Variants in ATXN1 observed in about 807,000 individuals in gnomAD.
ATXN1 encodes the protein ataxin 1, also known as ataxin-1.
In ATXN1, 8 loss-of-function variants were observed where a neutral mutation model predicts 56.4. The observed-to-expected ratio is 0.14, with a 90% CI of 0.08 to 0.26. ATXN1 has a LOEUF of 0.26. Ranked by LOEUF, ATXN1 falls within the 10% of genes least tolerant of loss-of-function variation. The pLI, the probability that ATXN1 is intolerant of heterozygous loss-of-function variation, is 1.00. For missense variants in ATXN1, 987 were observed against 1,106.5 expected, an observed-to-expected ratio of 0.89 and a Z score of 1.53; for synonymous variants, 514 against 494.6, an observed-to-expected ratio of 1.04 and a Z score of -0.52.
intron 6 of ATXN1, among the ~76,000 whole-genome samples, chr6:16,390,795 A>G (rs1327667823): frequency 6.6e-6 from 1 of 151,906 alleles, no homozygotes. Context: ...ATTCCTCTCC[A>G]CTGCAGCATC....
rs188386545 is a variant in ATXN1, at chr6:16,665,439, C to T, written c.-614-7538G>A. ...ACATCATATAGCCTCTGAAAAACTC[C>T]GCTGTACACATGGAAGAGAATGGGA... On this transcript the variant is annotated intron_variant, in intron 2 of 7. Transcript: ENST00000436367. Among the ~76,000 whole-genome samples, 272 of 151,454 alleles carry T rather than the reference C, an allele frequency of 1.8e-3. 2 individuals are homozygous for T. Among genetic ancestry groups the T allele is most frequent in the African/African-American group, 6.2e-3 (255 of 41,202 alleles).
chr6:16,300,012 A>G lies in ATXN1; in HGVS notation c.*6317T>C, dbSNP rs189092515. 6.5e-6 allele frequency: 1 copy of G among 152,782 alleles called. No individual in the cohort carries two copies. The allele number at this position is 152,782 out of a possible 1,614,324, so 9.5% of individuals were successfully genotyped here. ...TAACTGCTCTGAAGACAACAGCTTG[A>G]GCTAGTGTCACCTAATACTTGGTAT... On this transcript the variant is annotated 3_prime_UTR_variant, in exon 8 of 8. Coordinates refer to ENST00000436367, the MANE Select transcript of ATXN1 (RefSeq NM_001128164.2).
rs141038129 is a variant in ATXN1 at position 16,745,382 on chromosome 6, C to T, written c.-615+7851G>A. Among the ~76,000 whole-genome samples, 863 of 152,152 alleles carry T rather than the reference C, an allele frequency of 5.7e-3. 4 individuals carry two copies. The highest frequency in any genetic ancestry group is 8.8e-3 in the Non-Finnish European group (601 of 68,006). On this transcript the variant is annotated intron_variant, in intron 2 of 7. Transcript: ENST00000436367. ...AAACTTAAAAATTAAGATAAAACAACCTGATAGAATGTTATGTGATCCTTG... is the reference window on the plus strand; with the variant it reads ...AAACTTAAAAATTAAGATAAAACAATCTGATAGAATGTTATGTGATCCTTG...
At chr6:16,394,871 TG>T (rs563835033) in intron 6 of ATXN1, among the ~76,000 whole-genome samples, 1 of 152,178 alleles carries the variant, frequency 6.6e-6, no homozygotes, top group Non-Finnish European at 1.5e-5. Context: ...TGCTAATTCA[TG>T]GTATAACTTT....
intron 4 of ATXN1, among the ~76,000 whole-genome samples, chr6:16,556,649 C>T (rs576808901): frequency 6.6e-6 from 1 of 152,276 alleles, no homozygotes; most frequent in South Asian, 2.1e-4. Flanking sequence ...CAGGCTCCAC[C>T]CCAAAGGCAG....
chr6:16,672,324 C>T (rs1394091686), intron 2 of ATXN1, among the ~76,000 whole-genome samples: 2 of 152,036 alleles, frequency 1.3e-5, no homozygotes, highest in East Asian at 3.8e-4. Flanking sequence ...TAAAATTATA[C>T]CACAGGAAAA....
At chr6:16,635,353 C>T (rs1364221468) in intron 3 of ATXN1, among the ~76,000 whole-genome samples, 1 of 152,106 alleles carries the variant, frequency 6.6e-6, no homozygotes, top group Non-Finnish European at 1.5e-5. Context: ...ATAAAGTGCA[C>T]AATGAATATA....
intron 4 of ATXN1, among the ~76,000 whole-genome samples, chr6:16,558,046 G>A (rs1762045714): frequency 6.6e-6 from 1 of 152,148 alleles, no homozygotes; most frequent in East Asian, 1.9e-4. Context: ...GGTGCTTAAT[G>A]GGTAAAGGTT....
intron 4 of ATXN1, among the ~76,000 whole-genome samples, chr6:16,550,155 CAA>C (rs70999336): frequency 0.12 from 10,652 of 91,112 alleles, 961 homozygotes; most frequent in East Asian, 0.49. Flanking sequence ...AAATAAAATA[CAA>C]AAAAAAAAAA....
chr6:16,739,414 C>T, intron 2 of ATXN1: 1 of 164,074 alleles, frequency 6.1e-6, no homozygotes, highest in Non-Finnish European at 1.4e-5. Flanking sequence ...AGAACTAGCA[C>T]AAACAAGTCT....
chr6:16,536,142 C>T (rs902680268), intron 4 of ATXN1, among the ~76,000 whole-genome samples: 1 of 151,986 alleles, frequency 6.6e-6, no homozygotes, highest in Non-Finnish European at 1.5e-5. Flanking sequence ...GCTTAAGCCC[C>T]GAAGGTCCAG....
chr6:16,469,097 G>A (rs956268920), intron 6 of ATXN1, among the ~76,000 whole-genome samples: 2 of 152,124 alleles, frequency 1.3e-5, no homozygotes, highest in African/African-American at 4.8e-5. Context: ...TTACACCGTG[G>A]GCACCCAATA....
chr6:16,660,846 T>G (rs1303181627), intron 2 of ATXN1, among the ~76,000 whole-genome samples: 1 of 147,290 alleles, frequency 6.8e-6, no homozygotes, highest in Non-Finnish European at 1.5e-5. Context: ...TTTTTTTTTT[T>G]TTTTTTTTTT....
chr6:16,343,600 A>G (rs1761307539), intron 6 of ATXN1, among the ~76,000 whole-genome samples: 1 of 152,170 alleles, frequency 6.6e-6, no homozygotes, highest in Non-Finnish European at 1.5e-5. Flanking sequence ...TCTTAGTGTC[A>G]CTGCTCTATC....
intron 6 of ATXN1, among the ~76,000 whole-genome samples, chr6:16,472,331 G>A (rs1419240100): frequency 1.3e-5 from 2 of 152,140 alleles, no homozygotes; most frequent in African/African-American, 4.8e-5. Flanking sequence ...CACAAAACAT[G>A]GAATTGGGTA....
intron 5 of ATXN1, among the ~76,000 whole-genome samples, chr6:16,517,288 T>C (rs1361405767): frequency 1.3e-5 from 2 of 152,206 alleles, no homozygotes; most frequent in Admixed American, 6.5e-5. Context: ...CAGTAGTCAG[T>C]TTCTGAGAGG....
At chr6:16,475,874 T>TC (rs1405616799) in intron 6 of ATXN1, among the ~76,000 whole-genome samples, 3 of 150,292 alleles carry the variant, frequency 2.0e-5, no homozygotes, top group African/African-American at 7.3e-5. Context: ...GTCATTACTT[T>TC]TTTTTTTTTT....
At chr6:16,547,047 G>A (rs1761827843) in intron 4 of ATXN1, among the ~76,000 whole-genome samples, 1 of 152,220 alleles carries the variant, frequency 6.6e-6, no homozygotes, top group Non-Finnish European at 1.5e-5. Flanking sequence ...CAAGGAAAGT[G>A]GGAAAAGGGA....
chr6:16,630,701 G>A (rs937273297), intron 3 of ATXN1, among the ~76,000 whole-genome samples: 11 of 152,156 alleles, frequency 7.2e-5, no homozygotes, highest in African/African-American at 2.7e-4. Flanking sequence ...TAAAACTCAT[G>A]CAATCATAAA....
Sources: allele counts gnomAD v4.1 joint callset (sites outside exome capture counted in the v4.1 genomes callset), GRCh38; gene constraint gnomAD v4.1.1; transcripts MANE v1.5; gene names NCBI Gene and HGNC (gene_info 2026-07-23, HGNC 2026-07-21).